The following STMP1 variants were observed in gnomAD, a reference collection of about 807,000 sequenced individuals.
The protein encoded by STMP1 is short transmembrane mitochondrial protein 1.
In STMP1, 7 loss-of-function variants were observed where a neutral mutation model predicts 7.0. That is an observed-to-expected ratio of 1.01 (90% CI 0.57 to 1.89). The LOEUF (loss-of-function observed/expected upper bound fraction) is 1.89, where lower values mean the gene tolerates loss of function less well. Among genes scored for constraint, STMP1 ranks in the 40% most tolerant of loss-of-function variants. STMP1 has a pLI of 0.00. For missense variants in STMP1, 45 were observed against 53.0 expected (o/e 0.85, Z 0.47); for synonymous variants, 19 against 18.4 (o/e 1.03, Z -0.08).
chr7:135,666,739 G>A (rs1795298553), intron 1 of STMP1, among the ~76,000 whole-genome samples: 1 of 152,108 alleles, frequency 6.6e-6, no homozygotes, highest in African/African-American at 2.4e-5. Context: ...TGTTTGTTAT[G>A]TTTATTTCTA....
intron 1 of STMP1, among the ~76,000 whole-genome samples, chr7:135,663,213 C>T (rs1195611502): frequency 6.6e-6 from 1 of 152,186 alleles, no homozygotes; most frequent in African/African-American, 2.4e-5. Flanking sequence ...AACGAGTTTT[C>T]TGGCAAAACT....
chr7:135,663,182 TG>T (rs1403374659), intron 1 of STMP1, among the ~76,000 whole-genome samples: 3 of 152,246 alleles, frequency 2.0e-5, no homozygotes, highest in Non-Finnish European at 4.4e-5. Flanking sequence ...CTATTTCTCT[TG>T]GCTCCTTATT....
chr7:135,666,459 G>C (rs1795292869), intron 1 of STMP1, among the ~76,000 whole-genome samples: 1 of 151,778 alleles, frequency 6.6e-6, no homozygotes, highest in Non-Finnish European at 1.5e-5. Flanking sequence ...AGCGATTCTC[G>C]TGCCTTACCT....
chr7:135,672,745 T>G lies in STMP1; in HGVS notation c.16-8T>G. ...TGCACTATAACTCTTACTGTTCTAT[T>G]TTTTCAGCTTGGATTTACACTGGGC... On this transcript the variant is annotated splice_region_variant and splice_polypyrimidine_tract_variant and intron_variant, in intron 1 of 2. Transcript: ENST00000507606. The G allele has an allele frequency of 6.4e-7, 1 of 1,550,856 alleles. No homozygotes were observed. Among genetic ancestry groups the G allele is most frequent in the Non-Finnish European group, 8.7e-7 (1 of 1,146,198 alleles).
chr7:135,668,008 C>T (rs1266872268), intron 1 of STMP1, among the ~76,000 whole-genome samples: 1 of 152,018 alleles, frequency 6.6e-6, no homozygotes, highest in Non-Finnish European at 1.5e-5. Context: ...TGTGGATATC[C>T]CATTGTCCCA....
chr7:135,672,716 G>A (rs549117195), intron 1 of STMP1, 37 bp from the exon 2 acceptor site: 3 of 1,480,368 alleles, frequency 2.0e-6, no homozygotes, highest in South Asian at 1.2e-5. Context: ...CACAGGACTC[G>A]GCATGCACTA....
rs1413156902 is a variant in STMP1 at position 135,662,579 on chromosome 7, C to G, written c.-1C>G. Reference sequence around the variant, plus strand: ...CCCTCCTCGCCCTCCCCACCGACATCATGCTCCAGTTCCTGGTGAGTGGAG... The same window carrying G: ...CCCTCCTCGCCCTCCCCACCGACATGATGCTCCAGTTCCTGGTGAGTGGAG... On this transcript the variant is annotated 5_prime_UTR_variant, in exon 1 of 3. It adds an upstream start codon to the 5' untranslated region. Coordinates refer to ENST00000507606, the MANE Select transcript of STMP1 (RefSeq NM_001130929.2). 1 of 1,548,654 alleles carries G rather than the reference C, an allele frequency of 6.5e-7. No individual in the cohort carries two copies. The highest frequency in any genetic ancestry group is 2.0e-5 in the Admixed American group (1 of 50,810).
chr7:135,672,655 A>G (rs1211179293), intron 1 of STMP1, 98 bp from the exon 2 acceptor site: 7 of 907,506 alleles, frequency 7.7e-6, no homozygotes, highest in African/African-American at 6.6e-5. Flanking sequence ...TAACTGTCCT[A>G]AGCTTCTTAG....
At chr7:135,667,771 AAC>A (rs957448851) in intron 1 of STMP1, among the ~76,000 whole-genome samples, 14 of 151,072 alleles carry the variant, frequency 9.3e-5, no homozygotes, top group Non-Finnish European at 1.8e-4. Context: ...ACTCATGTGA[AAC>A]ACAGATATTT....
chr7:135,667,513 A>G (rs1324909104), intron 1 of STMP1, among the ~76,000 whole-genome samples: 2 of 152,136 alleles, frequency 1.3e-5, no homozygotes, highest in East Asian at 3.9e-4. Context: ...TGCCTGGCCA[A>G]TTTGCCCATT....
intron 1 of STMP1, among the ~76,000 whole-genome samples, chr7:135,672,168 C>T (rs1409192976): frequency 2.6e-5 from 4 of 152,056 alleles, no homozygotes; most frequent in Non-Finnish European, 5.9e-5. Flanking sequence ...TTAGTAGAGA[C>T]GAGGTTTCAC....
At chr7:135,671,591 A>T (rs1468032252) in intron 1 of STMP1, among the ~76,000 whole-genome samples, 1 of 152,228 alleles carries the variant, frequency 6.6e-6, no homozygotes. Flanking sequence ...CCTTTTGGAT[A>T]TATCTAAATT....
chr7:135,663,273 A>G (rs769284501), intron 1 of STMP1, among the ~76,000 whole-genome samples: 11 of 152,220 alleles, frequency 7.2e-5, no homozygotes, highest in African/African-American at 2.2e-4. Flanking sequence ...TTGCTCATCA[A>G]ATTTTCAAGT....
rs563306983 is a variant in STMP1, at chr7:135,675,584, A to T, written c.*1419A>T. The T allele has an allele frequency of 6.6e-6, 1 of 152,334 alleles. No homozygotes were observed. The highest frequency in any genetic ancestry group is 2.1e-4 in the South Asian group (1 of 4,828). The allele number at this position is 152,334 out of a possible 1,614,324, so 9.4% of individuals were successfully genotyped here. A position where few individuals can be genotyped will look rare whatever the true frequency, so the allele number is the denominator to read the frequency against. Reference sequence around the variant, plus strand: ...TATCGATTCAGGGTATAGCTATAAGATGAAGTCCTAAAAGTATAATTTAGA... The same window carrying T: ...TATCGATTCAGGGTATAGCTATAAGTTGAAGTCCTAAAAGTATAATTTAGA... On this transcript the variant is annotated 3_prime_UTR_variant, in exon 3 of 3. Transcript: ENST00000507606.
intron 1 of STMP1, among the ~76,000 whole-genome samples, chr7:135,663,141 T>A (rs1226963307): frequency 1.3e-5 from 2 of 152,218 alleles, no homozygotes; most frequent in Non-Finnish European, 2.9e-5. Context: ...CAAGTAATTT[T>A]TCCCAAAATG....
chr7:135,666,116 A>G (rs1795288912), intron 1 of STMP1, among the ~76,000 whole-genome samples: 1 of 151,990 alleles, frequency 6.6e-6, no homozygotes. Context: ...ATTTTTTAGT[A>G]GAGATGGGGT....
intron 1 of STMP1, among the ~76,000 whole-genome samples, chr7:135,670,430 A>G (rs768866758): frequency 3.3e-5 from 5 of 152,194 alleles, no homozygotes; most frequent in South Asian, 2.1e-4. Context: ...AAGACCTCCT[A>G]TAATCTGACT....
At chr7:135,668,779 A>G (rs13236100) in intron 1 of STMP1, among the ~76,000 whole-genome samples, 1 of 152,076 alleles carries the variant, frequency 6.6e-6, no homozygotes, top group South Asian at 2.1e-4. Context: ...TCTTTAACTC[A>G]AATTCTCTTT....
intron 1 of STMP1, among the ~76,000 whole-genome samples, chr7:135,672,503 TA>T (rs1795366696): frequency 6.6e-6 from 1 of 152,178 alleles, no homozygotes; most frequent in African/African-American, 2.4e-5. Flanking sequence ...TTTGTTGTTT[TA>T]TTTTTTTCTT....
Sources: gnomAD v4.1 joint callset for allele counts (sites outside exome capture counted in the v4.1 genomes callset) on GRCh38, gnomAD v4.1.1 for gene constraint, MANE v1.5 for transcripts, NCBI Gene and HGNC (gene_info 2026-07-23, HGNC 2026-07-21) for gene names.